CNTN4: variants seen among roughly 807,000 people sequenced by gnomAD.
The protein encoded by CNTN4 is contactin 4, also known as contactin-4.
Under a neutral mutation model 122.5 loss-of-function variants are expected in CNTN4, and 77 were observed. The observed-to-expected ratio is 0.63, with a 90% CI of 0.52 to 0.76. The LOEUF (loss-of-function observed/expected upper bound fraction) is 0.76, where lower values mean the gene tolerates loss of function less well. Ranked by LOEUF, CNTN4 falls within the 30% of genes least tolerant of loss-of-function variation. The pLI, the probability that CNTN4 is intolerant of heterozygous loss-of-function variation, is 0.00. For synonymous variants in CNTN4, 512 were observed against 447.0 expected, an observed-to-expected ratio of 1.15 and a Z score of -1.83; for missense variants, 1,256 against 1,259.1, an observed-to-expected ratio of 1.00 and a Z score of 0.04.
chr3:2,115,788 A>G (rs922417121), intron 2 of CNTN4, among the ~76,000 whole-genome samples: 2 of 152,216 alleles, frequency 1.3e-5, no homozygotes, highest in Non-Finnish European at 2.9e-5. Flanking sequence ...TGAATAATTC[A>G]TATTGTCCAG....
At chr3:2,974,317 A>T (rs539715411) in intron 13 of CNTN4, among the ~76,000 whole-genome samples, 9 of 152,190 alleles carry the variant, frequency 5.9e-5, no homozygotes, top group Non-Finnish European at 1.2e-4. Context: ...ACATTTAAAA[A>T]ATATTGTGAC....
chr3:2,295,777 C>T (rs2042289325), intron 2 of CNTN4, among the ~76,000 whole-genome samples: 1 of 152,034 alleles, frequency 6.6e-6, no homozygotes, highest in Admixed American at 6.6e-5. Flanking sequence ...AATCGTATTG[C>T]CTAGGTTTTT....
At chr3:2,249,920 ACTTTTCATTTC>A (rs2040310358) in intron 2 of CNTN4, among the ~76,000 whole-genome samples, 1 of 151,820 alleles carries the variant, frequency 6.6e-6, no homozygotes, top group Non-Finnish European at 1.5e-5. Flanking sequence ...GATTTTGAAT[ACTTTTCATTTC>A]CTGCTTTAAC....
rs186353668 is a variant in CNTN4 at position 2,853,379 on chromosome 3, A to G, written c.455-13373A>G. ...CCTGCCTCAGCCTCCCAAGTAGCTG[A>G]GGCTACAGGTGCCCACGACCACGCC... On this transcript the variant is annotated intron_variant, in intron 7 of 24. Coordinates refer to ENST00000418658, the MANE Select transcript of CNTN4 (RefSeq NM_175607.3). Among the ~76,000 whole-genome samples the G allele has an allele frequency of 8.4e-4, 128 of 151,992 alleles. 3 individuals are homozygous for G. The East Asian group carries it at 0.02, about 24-fold the overall frequency.
intron 6 of CNTN4, among the ~76,000 whole-genome samples, chr3:2,757,443 T>G (rs112598201): frequency 1.4e-4 from 22 of 152,338 alleles, no homozygotes; most frequent in South Asian, 8.3e-4. Flanking sequence ...TGTCTGGCAC[T>G]CTAAAGCCCT....
In CNTN4 at chr3:2,873,987, G is replaced by A. The variant is rs1159080587; in HGVS notation, c.652+7038G>A. 3.3e-5 allele frequency among the ~76,000 whole-genome samples: 5 copies of A among 152,182 alleles called. No homozygotes were observed. In the South Asian group the frequency reaches 6.2e-4, roughly 19 times the overall value. On this transcript the variant is annotated intron_variant, in intron 8 of 24. Transcript: ENST00000418658. Reference sequence around the variant, plus strand: ...ATTTTAATTCTCTGACAACATCGCAGTTGAGGATCTGTGGGCGTAAAACAT... The same window carrying A: ...ATTTTAATTCTCTGACAACATCGCAATTGAGGATCTGTGGGCGTAAAACAT...
At chr3:2,796,716 T>C (rs2092194813) in intron 6 of CNTN4, among the ~76,000 whole-genome samples, 1 of 152,236 alleles carries the variant, frequency 6.6e-6, no homozygotes, top group Non-Finnish European at 1.5e-5. Context: ...CTTAAGTCCT[T>C]ACATAAGATC....
chr3:2,419,245 C>T (rs993546651), intron 3 of CNTN4, among the ~76,000 whole-genome samples: 1 of 152,056 alleles, frequency 6.6e-6, no homozygotes, highest in African/African-American at 2.4e-5. Context: ...ATGAAAAGCT[C>T]GAATGAATAT....
In CNTN4 at chr3:2,635,801, AC is replaced by A. The variant is rs370032383; in HGVS notation, c.55+64244del. Among the ~76,000 whole-genome samples the A allele has an allele frequency of 1.5e-4, 23 of 152,320 alleles. No homozygotes were observed. The East Asian group carries it at 3.7e-3, about 24-fold the overall frequency. ...CCCAGTCTTAAAACTTGAGAAAGTT[AC>A]GTTTGTTGAGTTCCTTTCTCAGGAA... On this transcript the variant is annotated intron_variant, in intron 4 of 24. Transcript: ENST00000418658.
At chr3:2,566,971 G>C (rs968999448) in intron 3 of CNTN4, among the ~76,000 whole-genome samples, 2 of 152,092 alleles carry the variant, frequency 1.3e-5, no homozygotes, top group Non-Finnish European at 2.9e-5. Flanking sequence ...TGTCCTTCAG[G>C]GGATTGCATT....
At chr3:2,712,278 A>G (rs2728039) in intron 4 of CNTN4, among the ~76,000 whole-genome samples, 82,925 of 152,078 alleles carry the variant, frequency 0.55, 25,145 homozygotes, top group African/African-American at 0.82. Flanking sequence ...CTTCTGCATT[A>G]TTATATGGTG....
At chr3:2,395,443 C>G (rs942969024) in intron 3 of CNTN4, among the ~76,000 whole-genome samples, 2 of 152,080 alleles carry the variant, frequency 1.3e-5, no homozygotes, top group Non-Finnish European at 2.9e-5. Flanking sequence ...TATATACTTT[C>G]CTTTTAAATT....
chr3:2,228,200 G>C lies in CNTN4; in HGVS notation c.-144-110978G>C, dbSNP rs1559360495. Among the ~76,000 whole-genome samples, 6 of 151,886 alleles carry C rather than the reference G, an allele frequency of 4.0e-5. No homozygotes were observed. The South Asian group carries it at 1.2e-3, about 32-fold the overall frequency. Reference sequence around the variant, plus strand: ...TCAGACTCCTCTAGCCAAGGAATTGGCAATCCATAGCCCACTGGCCAGATT... The same window carrying C: ...TCAGACTCCTCTAGCCAAGGAATTGCCAATCCATAGCCCACTGGCCAGATT... On this transcript the variant is annotated intron_variant, in intron 2 of 24. Transcript: ENST00000418658.
intron 6 of CNTN4, among the ~76,000 whole-genome samples, chr3:2,817,770 G>C (rs1054514686): frequency 3.9e-5 from 6 of 152,156 alleles, no homozygotes; most frequent in African/African-American, 1.4e-4. Flanking sequence ...CTTACTCTAA[G>C]AACCTATATG....
At chr3:2,713,418 G>C (rs74493156) in intron 4 of CNTN4, among the ~76,000 whole-genome samples, 8,329 of 152,204 alleles carry the variant, frequency 0.055, 256 homozygotes, top group Admixed American at 0.092. Context: ...GTGGAAAGTC[G>C]TATAGAGATA....
At chr3:2,993,958 T>A (rs1374931600) in intron 14 of CNTN4, among the ~76,000 whole-genome samples, 1 of 152,166 alleles carries the variant, frequency 6.6e-6, no homozygotes, top group Non-Finnish European at 1.5e-5. Context: ...GGAGAGATAA[T>A]AAATCATTGA....
At chr3:2,985,146 T>C (rs1218665294) in intron 13 of CNTN4, 1 of 152,280 alleles carries the variant, frequency 6.6e-6, no homozygotes, top group Non-Finnish European at 1.5e-5. Context: ...TTTTTAATTG[T>C]AGATTTGAGA....
chr3:2,387,147 T>G (rs1339482081), intron 3 of CNTN4, among the ~76,000 whole-genome samples: 1 of 152,202 alleles, frequency 6.6e-6, no homozygotes, highest in African/African-American at 2.4e-5. Flanking sequence ...ACTTATCTGA[T>G]AGTAAATATA....
intron 3 of CNTN4, among the ~76,000 whole-genome samples, chr3:2,523,370 A>C (rs202241520): frequency 0.18 from 26,642 of 150,276 alleles, 2,804 homozygotes; most frequent in Middle Eastern, 0.25. Flanking sequence ...AAAAAAAAAA[A>C]AACAAAACTT....
Sources: allele counts gnomAD v4.1 joint callset (sites outside exome capture counted in the v4.1 genomes callset), GRCh38; gene constraint gnomAD v4.1.1; transcripts MANE v1.5; gene names NCBI Gene and HGNC (gene_info 2026-07-23, HGNC 2026-07-21).